The following NOX3 variants were observed in gnomAD, a reference collection of about 807,000 sequenced individuals.
NOX3 encodes the protein NADPH oxidase 3.
Under a neutral mutation model 76.7 loss-of-function variants are expected in NOX3, and 74 were observed. The ratio of observed to expected loss-of-function variants is 0.96; its 90% CI spans 0.80 to 1.17. The LOEUF is 1.17. Among genes scored for constraint, NOX3 ranks in the 50% most tolerant of loss-of-function variants. The pLI is 0.00. For missense variants in NOX3, 695 were observed against 703.3 expected (o/e 0.99, Z 0.13); for synonymous variants, 263 against 261.1 (o/e 1.01, Z -0.07).
chr6:155,421,280 T>C (rs2114688581), intron 10 of NOX3, among the ~76,000 whole-genome samples: 1 of 152,338 alleles, frequency 6.6e-6, no homozygotes, highest in Middle Eastern at 3.4e-3. Flanking sequence ...TTCAGGTTCC[T>C]TACCTGGAAA....
Position 155,407,228 on chromosome 6 carries a change from G to T in NOX3, c.1482C>A (p.Asp494Glu), listed in dbSNP as rs764249682. The T allele has an allele frequency of 1.9e-6, 3 of 1,613,806 alleles. No homozygotes were observed. Among genetic ancestry groups the T allele is most frequent in the Non-Finnish European group, 2.5e-6 (3 of 1,179,882 alleles). Residue 494 changes from aspartate to glutamate, a missense_variant, in exon 12 of 14, where the codon GAC becomes GAA. By Grantham distance (45) the Asp-to-Glu change is conservative. Coordinates refer to ENST00000159060, the MANE Select transcript of NOX3 (RefSeq NM_015718.3). ...NQALHIALHW[D>E]ENTDVITGLK... ...AGCCTGTAATCACGTCAGTATTTTC[G>T]TCCCAGTGTAAAGCTATGTGAAGAG...
In NOX3 at chr6:155,428,905, T is replaced by G; in HGVS notation, c.1034A>C (p.Gln345Pro). 1 of 1,613,634 alleles carries G rather than the reference T, an allele frequency of 6.2e-7. No homozygotes were observed. Among genetic ancestry groups the G allele is most frequent in the Non-Finnish European group, 8.5e-7 (1 of 1,179,756 alleles). Residue 345 changes from glutamine (Q) to proline (P), a missense_variant, in exon 9 of 14, where the codon CAG becomes CCG. Physicochemically the swap from Gln to Pro is moderately conservative, Grantham distance 76. Transcript: ENST00000159060. Reference sequence around the variant, plus strand: ...GATGTGCACGCTGAAAAAGTCCTCCTGGGGGGCAGAGGTAAGGGTGAAGGG... The same window carrying G: ...GATGTGCACGCTGAAAAAGTCCTCCGGGGGGGCAGAGGTAAGGGTGAAGGG... ...WHPFTLTSAP[Q>P]EDFFSVHIRA...
chr6:155,431,304 A>G (rs934395075), intron 7 of NOX3, among the ~76,000 whole-genome samples: 3 of 152,136 alleles, frequency 2.0e-5, no homozygotes, highest in Non-Finnish European at 2.9e-5. Flanking sequence ...TCAAAGCTAC[A>G]TTACTCACCC....
At chr6:155,420,572 T>C (rs1035852325) in intron 10 of NOX3, among the ~76,000 whole-genome samples, 4 of 152,216 alleles carry the variant, frequency 2.6e-5, no homozygotes, top group Non-Finnish European at 5.9e-5. Flanking sequence ...TCTAGTATTA[T>C]TTAGCTCTCT....
In NOX3 at chr6:155,439,915, CAG is replaced by C. The variant is rs1776958569; in HGVS notation, c.668+39_668+40del. ...CTTTCTAAGATTATTTTGGGACTCT[CAG>C]AGATAAAATCCTTGCAGAGGAGCGC... On this transcript the variant is annotated intron_variant, in intron 6 of 13. Transcript: ENST00000159060. The C allele has an allele frequency of 5.1e-6, 8 of 1,559,920 alleles. No individual in the cohort carries two copies. In the Admixed American group the frequency reaches 1.5e-4, roughly 30 times the overall value.
chr6:155,415,864 ATT>A (rs1396897379), intron 10 of NOX3, among the ~76,000 whole-genome samples: 1 of 152,228 alleles, frequency 6.6e-6, no homozygotes, highest in Non-Finnish European at 1.5e-5. Flanking sequence ...CTTGTTTGTC[ATT>A]TGGAGGAGCT....
intron 4 of NOX3, among the ~76,000 whole-genome samples, chr6:155,445,898 TA>T (rs67975184): frequency 0.24 from 33,645 of 141,324 alleles, 4,438 homozygotes; most frequent in East Asian, 0.39. Flanking sequence ...TATATATATA[TA>T]TTATATATAT....
At position 155,454,806 on chromosome 6, in the gene NOX3, C is replaced by T. The variant is rs949483143; in HGVS notation, c.255+5G>A. 1.9e-5 allele frequency: 28 copies of T among 1,491,690 alleles called. No homozygotes were observed. The highest frequency in any genetic ancestry group is 2.5e-5 in the Non-Finnish European group (27 of 1,091,764). The allele number at this position is 1,491,690 out of a possible 1,614,324, so 92.4% of individuals were successfully genotyped here. On this transcript the variant is annotated splice_donor_5th_base_variant and intron_variant, in intron 3 of 13. Coordinates refer to ENST00000159060, the MANE Select transcript of NOX3 (RefSeq NM_015718.3). Reference sequence around the variant, plus strand: ...TGAGATTATTTCAGATATTTTAGTACTTACAATACTTGTTCCTCTTATGAA... The same window carrying T: ...TGAGATTATTTCAGATATTTTAGTATTTACAATACTTGTTCCTCTTATGAA...
chr6:155,443,233 A>AT, intron 5 of NOX3, 40 bp downstream of exon 5: 2 of 1,587,540 alleles, frequency 1.3e-6, no homozygotes, highest in Non-Finnish European at 1.7e-6. Context: ...AAAAGGACGG[A>AT]TTTTTCAGGG....
chr6:155,411,003 T>C (rs1455518596), intron 11 of NOX3, among the ~76,000 whole-genome samples: 1 of 152,226 alleles, frequency 6.6e-6, no homozygotes, highest in Non-Finnish European at 1.5e-5. Flanking sequence ...CCTCAGCAAG[T>C]TAACTGTAGC....
intron 9 of NOX3, among the ~76,000 whole-genome samples, chr6:155,426,990 T>TGTGTGTGA (rs1776764018): frequency 3.8e-5 from 1 of 26,322 alleles, no homozygotes; most frequent in African/African-American, 1.8e-4. Context: ...GTGGCGTGTG[T>TGTGTGTGA]GTGTGTGTGT....
chr6:155,448,004 A>G (rs906793401), intron 4 of NOX3, among the ~76,000 whole-genome samples: 2 of 152,228 alleles, frequency 1.3e-5, no homozygotes, highest in Admixed American at 6.5e-5. Flanking sequence ...GAGGTGGGAT[A>G]AAACAGTGAT....
intron 9 of NOX3, among the ~76,000 whole-genome samples, chr6:155,426,995 G>A (rs947693245): frequency 3.1e-4 from 37 of 119,394 alleles, no homozygotes; most frequent in African/African-American, 1.1e-3. Context: ...GTGTGTGTGT[G>A]TGTGTGTGTG....
rs759734399 is a variant in NOX3 at position 155,428,846 on chromosome 6, C to T, written c.1093G>A (p.Glu365Lys). The change falls in exon 9 of 14, where the codon GAG (glutamate) becomes AAG (lysine). Residue 365 changes from glutamate (E) to lysine (K), a missense_variant. Glu to Lys is a moderately conservative substitution (Grantham distance 56). Coordinates refer to ENST00000159060, the MANE Select transcript of NOX3 (RefSeq NM_015718.3). ...AAGDWTAALLEAFGAEGQALQ... is the reference protein window; with the variant it reads ...AAGDWTAALLKAFGAEGQALQ... Reference sequence around the variant, plus strand: ...GCCTGTCCCTCTGCCCCAAAGGCCTCCAGTAGCGCTGCTGTCCAGTCTCCT... The same window carrying T: ...GCCTGTCCCTCTGCCCCAAAGGCCTTCAGTAGCGCTGCTGTCCAGTCTCCT... 40 of 1,599,182 alleles carry T rather than the reference C, an allele frequency of 2.5e-5. No individual in the cohort carries two copies. Among genetic ancestry groups the T allele is most frequent in the Non-Finnish European group, 3.4e-5 (40 of 1,170,180 alleles).
Position 155,442,065 on chromosome 6 carries a change from C to T in NOX3, c.486+1208G>A, listed in dbSNP as rs575780466. ...GGATCACGAGGTCAGGCGATCAAGACCATCCTGGCTAACACAGTGAAACCC... is the reference window on the plus strand; with the variant it reads ...GGATCACGAGGTCAGGCGATCAAGATCATCCTGGCTAACACAGTGAAACCC... On this transcript the variant is annotated intron_variant, in intron 5 of 13. Coordinates refer to ENST00000159060, the MANE Select transcript of NOX3 (RefSeq NM_015718.3). Among the ~76,000 whole-genome samples the T allele has an allele frequency of 1.6e-4, 25 of 152,240 alleles. 1 individual carries two copies. The highest frequency in any genetic ancestry group is 5.5e-4 in the African/African-American group (23 of 41,542).
intron 4 of NOX3, among the ~76,000 whole-genome samples, chr6:155,444,772 G>A (rs1446623823): frequency 6.6e-6 from 1 of 152,114 alleles, no homozygotes; most frequent in Admixed American, 6.5e-5. Flanking sequence ...GATGGCAGTC[G>A]GGGTCAGTAC....
chr6:155,398,234 C>A (rs920441439), intron 12 of NOX3, among the ~76,000 whole-genome samples: 6 of 152,094 alleles, frequency 3.9e-5, no homozygotes, highest in Non-Finnish European at 7.4e-5. Context: ...AGGCTCGAAT[C>A]CAAGGAATGC....
intron 12 of NOX3, among the ~76,000 whole-genome samples, chr6:155,403,603 G>A (rs1302269759): frequency 2.6e-5 from 4 of 152,154 alleles, no homozygotes; most frequent in African/African-American, 9.7e-5. Context: ...AAATACAATT[G>A]AGCATTAAGT....
At chr6:155,436,632 T>G in intron 6 of NOX3, 85 bp from the exon 7 acceptor site, 5 of 1,384,384 alleles carry the variant, frequency 3.6e-6, no homozygotes, top group Non-Finnish European at 5.0e-6. Flanking sequence ...CACAGGTATA[T>G]ATCCTACAGT....
Sources: allele counts gnomAD v4.1 joint callset (sites outside exome capture counted in the v4.1 genomes callset), GRCh38; gene constraint gnomAD v4.1.1; transcripts MANE v1.5; gene names NCBI Gene and HGNC (gene_info 2026-07-23, HGNC 2026-07-21).